TBC1D14: variants seen among roughly 807,000 people sequenced by gnomAD.
TBC1D14 encodes TBC1 domain family member 14.
A neutral mutation model predicts 79.0 loss-of-function variants in TBC1D14; 26 were observed. That is an observed-to-expected ratio of 0.33 (90% CI 0.24 to 0.46). The LOEUF is 0.46. TBC1D14 is among the 20% of genes least tolerant of loss of function. The pLI is 1.00. For missense variants in TBC1D14, 769 were observed against 887.6 expected (o/e 0.87, Z 1.70); for synonymous variants, 394 against 349.9 (o/e 1.13, Z -1.40).
In TBC1D14 at chr4:7,032,088, G is replaced by A. The variant is rs1234729174; in HGVS notation, c.*1696G>A. The A allele has an allele frequency of 6.6e-6, 1 of 152,578 alleles. No individual in the cohort carries two copies. The highest frequency in any genetic ancestry group is 1.5e-5 in the Non-Finnish European group (1 of 68,066). 9.5% of individuals were successfully genotyped at this position (152,578 alleles called of 1,614,324 possible). A position where few individuals can be genotyped will look rare whatever the true frequency, so the allele number is the denominator to read the frequency against. On this transcript the variant is annotated 3_prime_UTR_variant, in exon 14 of 14. Transcript: ENST00000409757. Reference sequence around the variant, plus strand: ...CTCCAGGGAGGCTGCAGAGCATCGTGGAGACCACTTTCTGCCTCGGCCTTT... The same window carrying A: ...CTCCAGGGAGGCTGCAGAGCATCGTAGAGACCACTTTCTGCCTCGGCCTTT...
intron 2 of TBC1D14, among the ~76,000 whole-genome samples, chr4:6,925,083 C>T (rs867834445): frequency 4.6e-5 from 7 of 151,944 alleles, no homozygotes; most frequent in South Asian, 2.1e-4. Flanking sequence ...ACCTGAGGTC[C>T]GGAGTTCGAG....
At chr4:6,991,125 G>A (rs184346988) in intron 3 of TBC1D14, among the ~76,000 whole-genome samples, 11 of 152,336 alleles carry the variant, frequency 7.2e-5, no homozygotes, top group Admixed American at 5.9e-4. Context: ...TCAAGTATGA[G>A]CAGGCTAGGC....
In TBC1D14 at chr4:6,923,799, C is replaced by T. The variant is rs565234468; in HGVS notation, c.410C>T (p.Ser137Leu). The T allele has an allele frequency of 1.3e-5, 21 of 1,614,160 alleles. No homozygotes were observed. In the Admixed American group the frequency reaches 1.7e-4, roughly 13 times the overall value. ...SSTFPRTGYD[S>L]VKLYSPTSKA... is the part of the protein sequence containing the mutation. ...ACGTTTCCCAGGACAGGCTATGACT[C>T]GGTAAAGCTCTATAGCCCGACCTCC... Residue 137 changes from serine to leucine, a missense_variant, in exon 2 of 14, where the codon TCG (serine) becomes TTG (leucine). Around this residue, in one of 2 missense-constraint regions of TBC1D14, gnomAD observed 402 missense variants for 393.2 expected, o/e 1.02. Transcript: ENST00000409757.
intron 3 of TBC1D14, chr4:6,987,666 C>T (rs935098728): frequency 6.0e-6 from 2 of 332,872 alleles, no homozygotes; most frequent in African/African-American, 4.3e-5. Context: ...TCCTCCTTAC[C>T]CTGTTTTCAG....
chr4:6,944,877 C>G (rs1382899980), intron 2 of TBC1D14, among the ~76,000 whole-genome samples: 7 of 152,182 alleles, frequency 4.6e-5, no homozygotes, highest in Non-Finnish European at 1.0e-4. Context: ...CATGCGTGCT[C>G]CTCTCCCGTC....
At chr4:6,965,700 G>T (rs900479034) in intron 2 of TBC1D14, among the ~76,000 whole-genome samples, 3 of 152,102 alleles carry the variant, frequency 2.0e-5, no homozygotes, top group African/African-American at 7.2e-5. Flanking sequence ...CACCGTACCT[G>T]GCTAATTTAA....
chr4:6,956,721 A>G (rs1416043748), intron 2 of TBC1D14, among the ~76,000 whole-genome samples: 2 of 152,210 alleles, frequency 1.3e-5, no homozygotes, highest in Non-Finnish European at 2.9e-5. Context: ...CTTCTCAGCC[A>G]ATGCAGGTGA....
chr4:7,008,763 G>A (rs1720465437), intron 9 of TBC1D14, among the ~76,000 whole-genome samples: 1 of 152,224 alleles, frequency 6.6e-6, no homozygotes, highest in African/African-American at 2.4e-5. Context: ...GCACCAAAGT[G>A]AGATGGAAGG....
chr4:6,965,749 C>T (rs1033034172), intron 2 of TBC1D14, among the ~76,000 whole-genome samples: 1 of 152,160 alleles, frequency 6.6e-6, no homozygotes, highest in African/African-American at 2.4e-5. Flanking sequence ...CTACCTTGCT[C>T]AGGTGAGTCT....
At chr4:6,970,681 G>A (rs1180533340) in intron 3 of TBC1D14, among the ~76,000 whole-genome samples, 4 of 151,916 alleles carry the variant, frequency 2.6e-5, no homozygotes, top group African/African-American at 4.8e-5. Flanking sequence ...TGTTCACACT[G>A]GCCAGGAGCT....
rs192038777 is a variant in TBC1D14, at chr4:6,980,542, G to A, written c.843+13118G>A. Among the ~76,000 whole-genome samples the A allele has an allele frequency of 2.1e-3, 315 of 152,090 alleles. 8 individuals are homozygous for A. Among genetic ancestry groups the A allele is most frequent in the Admixed American group, 0.019 (283 of 15,256 alleles). On this transcript the variant is annotated intron_variant, in intron 3 of 13. Coordinates refer to ENST00000409757, the MANE Select transcript of TBC1D14 (RefSeq NM_020773.3). The stretch of plus-strand genomic sequence containing the variant: ...GTAATAAGTGTGAGAACAGATATCC[G>A]TACAATTAAAAACAAAAATGATAGA...
intron 3 of TBC1D14, among the ~76,000 whole-genome samples, chr4:6,993,412 G>A (rs1258734183): frequency 6.6e-6 from 1 of 152,198 alleles, no homozygotes; most frequent in Non-Finnish European, 1.5e-5. Flanking sequence ...TGGTTGCAGT[G>A]CACGGGTGAA....
At chr4:7,006,493 C>G in intron 8 of TBC1D14, 139 bp from the exon 9 acceptor site, 3 of 606,042 alleles carry the variant, frequency 5.0e-6, no homozygotes, top group Admixed American at 6.3e-5. Flanking sequence ...AAGCTGCACT[C>G]TGAGTCAAGA....
intron 2 of TBC1D14, among the ~76,000 whole-genome samples, chr4:6,958,469 C>G (rs1231993127): frequency 6.6e-6 from 1 of 152,120 alleles, no homozygotes; most frequent in East Asian, 1.9e-4. Context: ...CTGTGTCACC[C>G]AGGCTGGCTG....
At chr4:6,998,285 G>A (rs1276524387) in intron 5 of TBC1D14, among the ~76,000 whole-genome samples, 1 of 151,686 alleles carries the variant, frequency 6.6e-6, no homozygotes, top group African/African-American at 2.4e-5. Flanking sequence ...GCTTGAACCC[G>A]GGAGGCGGAG....
rs144981670 is a variant in TBC1D14, at chr4:6,923,543, C to T, written c.154C>T (p.Leu52Phe). 35 of 1,614,208 alleles carry T rather than the reference C, an allele frequency of 2.2e-5. No individual in the cohort carries two copies. The Middle Eastern group carries it at 1.3e-3, about 61-fold the overall frequency. The stretch of plus-strand genomic sequence containing the variant: ...GCCTGAGTACGGGCCCAAGCTGAAA[C>T]TCAGGGCTTTAGAAGACCGGCACAG... The part of the protein sequence containing the change: ...SAPEYGPKLK[L>F]RALEDRHSLQ... The change falls in exon 2 of 14, where the codon CTC (leucine) becomes TTC (phenylalanine). Residue 52 changes from leucine to phenylalanine, a missense_variant. By Grantham distance (22) the Leu-to-Phe change is conservative. This residue lies in a region of TBC1D14 where 402 missense variants were observed against 393.2 expected (regional missense o/e 1.02). Coordinates refer to ENST00000409757, the MANE Select transcript of TBC1D14 (RefSeq NM_020773.3).
At chr4:6,979,404 T>C (rs1238873352) in intron 3 of TBC1D14, among the ~76,000 whole-genome samples, 2 of 152,120 alleles carry the variant, frequency 1.3e-5, no homozygotes. Context: ...AGGCAGACGA[T>C]TACTTGAAGC....
intron 3 of TBC1D14, among the ~76,000 whole-genome samples, chr4:6,988,833 C>T (rs1560313979): frequency 1.3e-5 from 2 of 149,830 alleles, no homozygotes; most frequent in East Asian, 3.9e-4. Flanking sequence ...CATTGATGAC[C>T]TTTCTTGTCT....
intron 12 of TBC1D14, among the ~76,000 whole-genome samples, chr4:7,021,625 A>G (rs754917942): frequency 3.3e-5 from 5 of 150,092 alleles, no homozygotes; most frequent in Non-Finnish European, 7.4e-5. Flanking sequence ...GAATTATGTT[A>G]TTTTGCATTA....
Sources: gnomAD v4.1 joint callset for allele counts (sites outside exome capture counted in the v4.1 genomes callset) on GRCh38, gnomAD v4.1.1 for gene constraint, gnomAD v4.1.1 regional missense constraint, MANE v1.5 for transcripts, NCBI Gene and HGNC (gene_info 2026-07-23, HGNC 2026-07-21) for gene names.